Variants in SBSN observed in about 807,000 individuals in gnomAD.
The protein encoded by SBSN is HLAR698.
Under a neutral mutation model 42.8 loss-of-function variants are expected in SBSN, and 33 were observed. The ratio of observed to expected loss-of-function variants is 0.77; its 90% CI spans 0.58 to 1.03. SBSN has a LOEUF of 1.03. Among genes scored for constraint, SBSN ranks in the 50% least tolerant of loss-of-function variants. The pLI is 0.00. For missense variants in SBSN, 646 were observed against 757.3 expected, an observed-to-expected ratio of 0.85 and a Z score of 1.72; for synonymous variants, 276 against 307.0, an observed-to-expected ratio of 0.90 and a Z score of 1.06.
In SBSN at chr19:35,526,652, G is replaced by A. The variant is rs1195117169; in HGVS notation, c.1630C>T (p.Leu544=). The change falls in exon 1 of 4, where the codon CTG becomes TTG. Residue 544 remains leucine (L), a synonymous_variant. Coordinates refer to ENST00000452271, the MANE Select transcript of SBSN (RefSeq NM_001166034.2). The stretch of plus-strand genomic sequence containing the variant: ...CATCCCTGTTCACCTACATTCAGCA[G>A]CTGGTTGGCCTCCTTGCTGGCTTGG... The part of the protein sequence containing the change: ...VNQASKEANQ[L]LNGNHQSGSS... 7.5e-7 allele frequency: 1 copy of A among 1,328,438 alleles called. No individual in the cohort carries two copies. Among genetic ancestry groups the A allele is most frequent in the Admixed American group, 2.1e-5 (1 of 47,874 alleles). 82.3% of individuals were successfully genotyped at this position (1,328,438 alleles called of 1,614,324 possible).
Position 35,523,414 on chromosome 19 carries a change from A to C in SBSN, c.*96T>G. 8.2e-7 allele frequency: 1 copy of C among 1,223,096 alleles called. No individual in the cohort carries two copies. Among genetic ancestry groups the C allele is most frequent in the Non-Finnish European group, 1.2e-6 (1 of 825,798 alleles). 75.8% of individuals were successfully genotyped at this position (1,223,096 alleles called of 1,614,324 possible). On this transcript the variant is annotated 3_prime_UTR_variant, in exon 4 of 4. Transcript: ENST00000452271. Reference sequence around the variant, plus strand: ...AATCCCAGTACAACCCCCTTCAGGGATTTCAGAAACCTGTCCCCCACCCCC... The same window carrying C: ...AATCCCAGTACAACCCCCTTCAGGGCTTTCAGAAACCTGTCCCCCACCCCC...
At chr19:35,526,580 A>T in intron 1 of SBSN, 64 bp downstream of exon 1, 2 of 553,332 alleles carry the variant, frequency 3.6e-6, no homozygotes, top group Non-Finnish European at 2.7e-6. Context: ...CAAATGTCCC[A>T]GGGGTTTAAC....
chr19:35,524,650 G>T, intron 3 of SBSN, 61 bp downstream of exon 3: 2 of 1,577,430 alleles, frequency 1.3e-6, no homozygotes, highest in Non-Finnish European at 1.7e-6. Context: ...ACCGGGAAGG[G>T]GTCGGGGTGA....
intron 1 of SBSN, 88 bp downstream of exon 1, chr19:35,526,556 C>T (rs1244957947): frequency 1.2e-5 from 13 of 1,108,414 alleles, no homozygotes; most frequent in East Asian, 2.8e-5. Flanking sequence ...GCTACGCGGA[C>T]CCCCCCGCCC....
Position 35,526,643 on chromosome 19 carries a change from C to T in SBSN, c.1638+1G>A. On this transcript the variant is annotated splice_donor_variant, in intron 1 of 3. Transcript: ENST00000452271. LOFTEE classifies it high-confidence loss of function. The stretch of plus-strand genomic sequence containing the variant: ...CCATCTCCCCATCCCTGTTCACCTA[C>T]ATTCAGCAGCTGGTTGGCCTCCTTG... 1 of 1,120,196 alleles carries T rather than the reference C, an allele frequency of 8.9e-7. No individual in the cohort carries two copies. Among genetic ancestry groups the T allele is most frequent in the African/African-American group, 1.6e-5 (1 of 61,568 alleles). 69.4% of individuals were successfully genotyped at this position (1,120,196 alleles called of 1,614,324 possible).
Position 35,527,927 on chromosome 19 carries a change from C to T in SBSN, c.355G>A (p.Val119Ile). The T allele has an allele frequency of 6.2e-7, 1 of 1,614,138 alleles. No homozygotes were observed. ...CCAACCTGTCCAGCAGCGTTGTTGA[C>T]CCCATGGCCAAGCTTCTCTGCTTCC... ...GKEAEKLGHG[V>I]NNAAGQVGKE... is the part of the protein sequence containing the mutation. Residue 119 changes from valine (V) to isoleucine (I), a missense_variant, in exon 1 of 4, where the codon GTC becomes ATC. Coordinates refer to ENST00000452271, the MANE Select transcript of SBSN (RefSeq NM_001166034.2).
At position 35,527,529 on chromosome 19, in the gene SBSN, C is replaced by G; in HGVS notation, c.753G>C (p.Gly251=). 6.6e-7 allele frequency: 1 copy of G among 1,524,080 alleles called. No individual in the cohort carries two copies. The highest frequency in any genetic ancestry group is 8.7e-7 in the Non-Finnish European group (1 of 1,145,688). 94.4% of individuals were successfully genotyped at this position (1,524,080 alleles called of 1,614,324 possible). ...ATCTCCCTGCCTCATTTCCGGCCTG[C>G]CCCGCAGCATGGTGGGCCCCCTGGC... ...KFGQGAHHAA[G]QAGNEAGRFG... Residue 251 remains glycine (G), a synonymous_variant, in exon 1 of 4, where the codon GGG becomes GGC. Transcript: ENST00000452271.
Position 35,526,992 on chromosome 19 carries a change from T to G in SBSN, c.1290A>C (p.Ala430=). 6.5e-7 allele frequency: 1 copy of G among 1,548,844 alleles called. No individual in the cohort carries two copies. The highest frequency in any genetic ancestry group is 1.2e-5 in the South Asian group (1 of 84,446). ...GQFGHDIHHT[A]GQAGKEGDIA... Reference sequence around the variant, plus strand: ...TGTCTCCCTCTTTCCCAGCCTGCCCTGCTGTGTGGTGAATGTCGTGGCCAA... The same window carrying G: ...TGTCTCCCTCTTTCCCAGCCTGCCCGGCTGTGTGGTGAATGTCGTGGCCAA... Residue 430 remains alanine (A), a synonymous_variant, in exon 1 of 4, where the codon GCA becomes GCC. Transcript: ENST00000452271.
intron 3 of SBSN, among the ~76,000 whole-genome samples, chr19:35,524,387 C>T (rs2071344590): frequency 7.7e-6 from 1 of 130,146 alleles, no homozygotes; most frequent in South Asian, 2.5e-4. Flanking sequence ...CGAGGAATGA[C>T]AAGGAGAGAG....
At chr19:35,526,575 G>GTCCCAGGGGGTTAACCTT in intron 1 of SBSN, 69 bp downstream of exon 1, 1 of 824,370 alleles carries the variant, frequency 1.2e-6, no homozygotes, top group Non-Finnish European at 1.7e-6. Flanking sequence ...CCCGCCAAAT[G>GTCCCAGGGGGTTAACCTT]TCCCAGGGGT....
chr19:35,527,067 G>A lies in SBSN; in HGVS notation c.1215C>T (p.Val405=). The A allele has an allele frequency of 6.5e-7, 1 of 1,537,886 alleles. No individual in the cohort carries two copies. Among genetic ancestry groups the A allele is most frequent in the South Asian group, 1.2e-5 (1 of 84,050 alleles). Residue 405 remains valine, a synonymous_variant, in exon 1 of 4, where the codon GTC becomes GTT. Transcript: ENST00000452271. ...SQVGKEEDRV[V]QGLHHGVSQA... is the part of the protein sequence containing the mutation. ...GACTAACGCCATGATGGAGGCCTTGGACCACTCTGTCTTCCTCCTTCCCCA... is the reference window on the plus strand; with the variant it reads ...GACTAACGCCATGATGGAGGCCTTGAACCACTCTGTCTTCCTCCTTCCCCA...
At chr19:35,525,519 G>T (rs1568672093) in intron 1 of SBSN, among the ~76,000 whole-genome samples, 1 of 148,188 alleles carries the variant, frequency 6.7e-6, no homozygotes, top group East Asian at 2.0e-4. Flanking sequence ...CGACGTCTGA[G>T]CCAGTCACAT....
rs1398476798 is a variant in SBSN, at chr19:35,527,084, C to T, written c.1198G>A (p.Glu400Lys). 1.3e-6 allele frequency: 2 copies of T among 1,537,756 alleles called. No homozygotes were observed. Among genetic ancestry groups the T allele is most frequent in the South Asian group, 2.4e-5 (2 of 84,066 alleles). Reference sequence around the variant, plus strand: ...AGGCCTTGGACCACTCTGTCTTCCTCCTTCCCCACCTGCGAGGCAGCATGG... The same window carrying T: ...AGGCCTTGGACCACTCTGTCTTCCTTCTTCCCCACCTGCGAGGCAGCATGG... ...VHHAASQVGK[E>K]EDRVVQGLHH... The change falls in exon 1 of 4, where the codon GAG becomes AAG. Residue 400 changes from glutamate (E) to lysine (K), a missense_variant. By Grantham distance (56) the Glu-to-Lys change is moderately conservative. This residue lies in a region of SBSN where 220 missense variants were observed against 334.5 expected (regional missense o/e 0.66). Coordinates refer to ENST00000452271, the MANE Select transcript of SBSN (RefSeq NM_001166034.2).
At position 35,527,178 on chromosome 19, in the gene SBSN, G is replaced by A. The variant is rs758624985; in HGVS notation, c.1104C>T (p.Leu368=). ...TAACCCCATGGTGGACCCCATGGCC[G>A]AGCTTCTCTGTTTCCTTCCCAAACT... is the stretch of plus-strand genomic sequence containing the variant. ...ASQFGKETEK[L]GHGVHHGVNE... Residue 368 remains leucine (L), a synonymous_variant, in exon 1 of 4, where the codon CTC becomes CTT. Coordinates refer to ENST00000452271, the MANE Select transcript of SBSN (RefSeq NM_001166034.2). 1.7e-4 allele frequency: 260 copies of A among 1,526,722 alleles called. No homozygotes were observed. Among genetic ancestry groups the A allele is most frequent in the Non-Finnish European group, 1.5e-4 (171 of 1,143,384 alleles). 94.6% of individuals were successfully genotyped at this position (1,526,722 alleles called of 1,614,324 possible).
In SBSN at chr19:35,526,903, T is replaced by C. The variant is rs1036497942; in HGVS notation, c.1379A>G (p.Gln460Arg). The change falls in exon 1 of 4, where the codon CAG (glutamine) becomes CGG (arginine). Residue 460 changes from glutamine to arginine, a missense_variant. By Grantham distance (43) the Gln-to-Arg change is conservative. This residue lies in a region of SBSN where 236 missense variants were observed against 225.6 expected (regional missense o/e 1.05). Coordinates refer to ENST00000452271, the MANE Select transcript of SBSN (RefSeq NM_001166034.2). ...CTGTTCAAGGGTATGGTGAACTCCC[T>C]GGCCAAACTGCCCTGCCTCCTTCCC... ...EAGKEAGQFG[Q>R]GVHHTLEQAG... 2 of 1,610,794 alleles carry C rather than the reference T, an allele frequency of 1.2e-6. No homozygotes were observed. Among genetic ancestry groups the C allele is most frequent in the Non-Finnish European group, 1.7e-6 (2 of 1,178,422 alleles).
In SBSN at chr19:35,523,492, G is replaced by A; in HGVS notation, c.*18C>T. 1 of 1,613,756 alleles carries A rather than the reference G, an allele frequency of 6.2e-7. No individual in the cohort carries two copies. Among genetic ancestry groups the A allele is most frequent in the South Asian group, 1.1e-5 (1 of 91,076 alleles). ...TGACAACGGCGACATTATTCTCCCA[G>A]CAAGGCCGGATGCCAGTTTAGGGCA... On this transcript the variant is annotated 3_prime_UTR_variant, in exon 4 of 4. Transcript: ENST00000452271.
rs759968149 is a variant in SBSN, at chr19:35,527,034, T to C, written c.1248A>G (p.Gly416=). 6.5e-7 allele frequency: 1 copy of C among 1,540,138 alleles called. No individual in the cohort carries two copies. The highest frequency in any genetic ancestry group is 8.7e-7 in the Non-Finnish European group (1 of 1,146,858). ...QGLHHGVSQA[G]REAGQFGHDI... Reference sequence around the variant, plus strand: ...CGTGGCCAAACTGCCCCGCCTCCCTTCCAGCCTGACTAACGCCATGATGGA... The same window carrying C: ...CGTGGCCAAACTGCCCCGCCTCCCTCCCAGCCTGACTAACGCCATGATGGA... Residue 416 remains glycine (G), a synonymous_variant, in exon 1 of 4, where the codon GGA becomes GGG. Transcript: ENST00000452271.
At chr19:35,526,608 C>CCCCTTCCCCCCTCTCCCCCT in intron 1 of SBSN, 36 bp downstream of exon 1, 1 of 1,258,610 alleles carries the variant, frequency 7.9e-7, no homozygotes, top group Non-Finnish European at 1.1e-6. Context: ...TCCCCCAACC[C>CCCCTTCCCCCCTCTCCCCCT]CCCTGTCCCC....
intron 3 of SBSN, 35 bp downstream of exon 3, chr19:35,524,676 C>T (rs184578666): frequency 9.3e-6 from 15 of 1,611,830 alleles, no homozygotes; most frequent in Admixed American, 8.3e-5. Flanking sequence ...TCTATCAGGA[C>T]GCAGAGCAGA....
Sources: gnomAD v4.1 joint callset for allele counts (sites outside exome capture counted in the v4.1 genomes callset) on GRCh38, gnomAD v4.1.1 for gene constraint, gnomAD v4.1.1 regional missense constraint, MANE v1.5 for transcripts, NCBI Gene and HGNC (gene_info 2026-07-23, HGNC 2026-07-21) for gene names.